The following AK4 variants were observed in gnomAD, a reference collection of about 807,000 sequenced individuals.
AK4 encodes the protein adenylate kinase 4, also known as adenylate kinase 4, mitochondrial.
AK4 carries 13 observed loss-of-function variants against 24.6 expected under a neutral mutation model. The ratio of observed to expected loss-of-function variants is 0.53; its 90% CI spans 0.34 to 0.84. The LOEUF is 0.84. Among genes scored for constraint, AK4 ranks in the 40% least tolerant of loss-of-function variants. AK4 has a pLI of 0.01. For synonymous variants in AK4, 88 were observed against 107.0 expected, an observed-to-expected ratio of 0.82 and a Z score of 1.10; for missense variants, 192 against 288.2, an observed-to-expected ratio of 0.67 and a Z score of 2.42.
intron 1 of AK4, among the ~76,000 whole-genome samples, chr1:65,167,814 T>C (rs1109374): frequency 0.27 from 41,440 of 152,014 alleles, 6,059 homozygotes; most frequent in East Asian, 0.57. Context: ...AGATTTTTTT[T>C]CCCCTTATAC....
intron 1 of AK4, among the ~76,000 whole-genome samples, chr1:65,169,187 A>AAG (rs978958895): frequency 1.3e-5 from 2 of 151,864 alleles, no homozygotes; most frequent in African/African-American, 4.8e-5. Context: ...AAAAAAAAAA[A>AAG]AAAAAGAAAA....
chr1:65,221,118 G>T (rs1410800563), intron 3 of AK4, among the ~76,000 whole-genome samples: 1 of 152,116 alleles, frequency 6.6e-6, no homozygotes, highest in East Asian at 1.9e-4. Flanking sequence ...TTTTCTTAAA[G>T]AATTATTGTT....
At chr1:65,213,316 A>C (rs1275808664) in intron 2 of AK4, among the ~76,000 whole-genome samples, 1 of 152,176 alleles carries the variant, frequency 6.6e-6, no homozygotes, top group Non-Finnish European at 1.5e-5. Flanking sequence ...AGAGTCAGGT[A>C]GGTGATGAAA....
intron 1 of AK4, among the ~76,000 whole-genome samples, chr1:65,153,494 C>A (rs948971782): frequency 1.3e-5 from 2 of 152,072 alleles, no homozygotes. Flanking sequence ...TGGTCTTGAA[C>A]CCCTTAGTTC....
intron 1 of AK4, among the ~76,000 whole-genome samples, chr1:65,166,770 T>G (rs1464637101): frequency 6.6e-6 from 1 of 152,196 alleles, no homozygotes. Flanking sequence ...GTTCTCCCAC[T>G]TTGGCCTCCC....
At chr1:65,205,978 C>T (rs1053864045) in intron 2 of AK4, among the ~76,000 whole-genome samples, 2 of 152,100 alleles carry the variant, frequency 1.3e-5, no homozygotes, top group Non-Finnish European at 2.9e-5. Flanking sequence ...TTCCCTCTAC[C>T]GGCAGTGCCC....
intron 1 of AK4, among the ~76,000 whole-genome samples, chr1:65,165,274 T>G (rs1650291541): frequency 6.6e-6 from 1 of 152,198 alleles, no homozygotes; most frequent in African/African-American, 2.4e-5. Context: ...TAGAGGGCTT[T>G]GGGAAAGATG....
At chr1:65,165,428 G>T (rs1452130509) in intron 1 of AK4, among the ~76,000 whole-genome samples, 1 of 152,056 alleles carries the variant, frequency 6.6e-6, no homozygotes, top group Non-Finnish European at 1.5e-5. Context: ...CACACCTTTT[G>T]TCCCAGCTAC....
In AK4 at chr1:65,148,558, G is replaced by A. The variant is rs779637777; in HGVS notation, c.145+6G>A. On this transcript the variant is annotated splice_donor_region_variant and intron_variant, in intron 1 of 4. Coordinates refer to ENST00000327299, the MANE Select transcript of AK4 (RefSeq NM_013410.4). Reference sequence around the variant, plus strand: ...GAACATCAAGGCCAGCACCGGTGAGGGGCTGCGGGGACGAGGGCCGGGGGC... The same window carrying A: ...GAACATCAAGGCCAGCACCGGTGAGAGGCTGCGGGGACGAGGGCCGGGGGC... 1.0e-5 allele frequency: 16 copies of A among 1,598,004 alleles called. No homozygotes were observed. Among genetic ancestry groups the A allele is most frequent in the East Asian group, 4.5e-5 (2 of 44,106 alleles).
intron 3 of AK4, among the ~76,000 whole-genome samples, chr1:65,219,860 G>A (rs911313979): frequency 3.3e-5 from 5 of 152,068 alleles, no homozygotes; most frequent in African/African-American, 1.2e-4. Context: ...ATAGTTTCAT[G>A]GTCTTATAAT....
At chr1:65,171,282 T>C (rs1011702275) in intron 1 of AK4, among the ~76,000 whole-genome samples, 145 of 148,188 alleles carry the variant, frequency 9.8e-4, no homozygotes, top group Middle Eastern at 3.5e-3. Context: ...ATAGACTTAT[T>C]CTGTGTTTCA....
chr1:65,222,224 C>T (rs1034694946), intron 3 of AK4, among the ~76,000 whole-genome samples: 2 of 152,204 alleles, frequency 1.3e-5, no homozygotes, highest in Non-Finnish European at 2.9e-5. Flanking sequence ...CCCTGTCCTG[C>T]TTCTGATAGT....
intron 2 of AK4, among the ~76,000 whole-genome samples, chr1:65,200,852 T>C (rs1385483449): frequency 6.6e-6 from 1 of 151,340 alleles, no homozygotes; most frequent in Non-Finnish European, 1.5e-5. Context: ...CTGAGTGCAA[T>C]GGCGCGATCT....
At chr1:65,221,580 A>C (rs1048843655) in intron 3 of AK4, among the ~76,000 whole-genome samples, 1 of 152,198 alleles carries the variant, frequency 6.6e-6, no homozygotes, top group African/African-American at 2.4e-5. Context: ...AAATTTTCTA[A>C]TTCTTGTATT....
At chr1:65,171,902 T>C (rs1650537763) in intron 1 of AK4, among the ~76,000 whole-genome samples, 1 of 150,906 alleles carries the variant, frequency 6.6e-6, no homozygotes, top group Admixed American at 6.6e-5. Context: ...ACCCTAGCTC[T>C]AGTAAAAATA....
chr1:65,210,181 T>G (rs553837628), intron 2 of AK4, among the ~76,000 whole-genome samples: 1 of 152,222 alleles, frequency 6.6e-6, no homozygotes, highest in Admixed American at 6.5e-5. Context: ...CTAACCAGAG[T>G]GAGAGAGAGC....
intron 1 of AK4, among the ~76,000 whole-genome samples, chr1:65,167,540 A>C (rs1057446481): frequency 6.7e-6 from 1 of 149,568 alleles, no homozygotes; most frequent in Non-Finnish European, 1.5e-5. Context: ...CTTGGAGCAC[A>C]AAAAAAATGC....
chr1:65,184,264 C>T (rs1211619443), intron 1 of AK4, among the ~76,000 whole-genome samples: 2 of 152,040 alleles, frequency 1.3e-5, no homozygotes, highest in Non-Finnish European at 2.9e-5. Context: ...TGGATGATAC[C>T]ATCCATCTAT....
intron 2 of AK4, among the ~76,000 whole-genome samples, chr1:65,213,779 A>G (rs1163935558): frequency 1.3e-5 from 2 of 152,122 alleles, no homozygotes; most frequent in African/African-American, 4.8e-5. Flanking sequence ...TGAAGCCCTA[A>G]CTGCCCCCCC....
Sources: allele counts gnomAD v4.1 joint callset (sites outside exome capture counted in the v4.1 genomes callset), GRCh38; gene constraint gnomAD v4.1.1; transcripts MANE v1.5; gene names NCBI Gene and HGNC (gene_info 2026-07-23, HGNC 2026-07-21).